The following NDUFA12 variants were observed in gnomAD, a reference collection of about 807,000 sequenced individuals.
NDUFA12 encodes NADH dehydrogenase [ubiquinone] 1 alpha subcomplex subunit 12.
Under a neutral mutation model 20.3 loss-of-function variants are expected in NDUFA12, and 17 were observed. That is an observed-to-expected ratio of 0.84 (90% CI 0.57 to 1.26). NDUFA12 has a LOEUF of 1.26. Ranked by LOEUF, NDUFA12 falls within the 50% of genes most tolerant of loss-of-function variation. The pLI is 0.00. For missense variants in NDUFA12, 191 were observed against 183.7 expected, an observed-to-expected ratio of 1.04 and a Z score of -0.23; for synonymous variants, 72 against 63.6, an observed-to-expected ratio of 1.13 and a Z score of -0.63.
At chr12:94,984,595 C>T (rs187494784) in intron 3 of NDUFA12, among the ~76,000 whole-genome samples, 94 of 151,780 alleles carry the variant, frequency 6.2e-4, no homozygotes, top group African/African-American at 2.2e-3. Flanking sequence ...AAATGGCTGT[C>T]TCCAAGGCTG....
intron 3 of NDUFA12, among the ~76,000 whole-genome samples, chr12:94,988,889 G>C (rs1049279097): frequency 1.3e-5 from 2 of 152,124 alleles, no homozygotes; most frequent in African/African-American, 4.8e-5. Flanking sequence ...CTCAGGGTTC[G>C]AGCCGATACA....
Position 95,003,616 on chromosome 12 carries a change from C to T in NDUFA12, c.65G>A (p.Gly22Asp), listed in dbSNP as rs1875147086. 1 of 1,614,098 alleles carries T rather than the reference C, an allele frequency of 6.2e-7. No individual in the cohort carries two copies. The highest frequency in any genetic ancestry group is 8.5e-7 in the Non-Finnish European group (1 of 1,180,048). The change falls in exon 1 of 4, where the codon GGC becomes GAC. Residue 22 changes from glycine (G) to aspartate (D), a missense_variant. By Grantham distance (94) the Gly-to-Asp change is moderately conservative. Coordinates refer to ENST00000327772, the MANE Select transcript of NDUFA12 (RefSeq NM_018838.5). ...QQITGHGGLR[G>D]YLRVFFRTND... The stretch of plus-strand genomic sequence containing the variant: ...CTACCTGAAAAAAACCCGTAGATAG[C>T]CTCGGAGACCGCCGTGGCCGGTGAT...
chr12:95,003,112 C>T (rs1296608611), intron 1 of NDUFA12, among the ~76,000 whole-genome samples: 1 of 152,186 alleles, frequency 6.6e-6, no homozygotes, highest in African/African-American at 2.4e-5. Context: ...CAAAGTATTT[C>T]ATCTTCTTAC....
rs1259726724 is a variant in NDUFA12, at chr12:95,000,798, A to AT, written c.169+1940dup. On this transcript the variant is annotated intron_variant, in intron 2 of 3. Coordinates refer to ENST00000327772, the MANE Select transcript of NDUFA12 (RefSeq NM_018838.5). ...TACCAAACATTGTTCTGCTACTGGA[A>AT]TTTTTTTATATTACACACATCTTTG... Among the ~76,000 whole-genome samples the AT allele has an allele frequency of 5.9e-5, 9 of 152,290 alleles. No individual in the cohort carries two copies. The East Asian group carries it at 1.7e-3, about 29-fold the overall frequency.
At chr12:94,997,074 T>G (rs1409880781) in intron 2 of NDUFA12, 1 of 269,708 alleles carries the variant, frequency 3.7e-6, no homozygotes, top group Non-Finnish European at 7.3e-6. Context: ...GGTGTGACAG[T>G]ATGTGCCTGT....
intron 3 of NDUFA12, among the ~76,000 whole-genome samples, chr12:94,980,424 C>G (rs938371610): frequency 6.6e-6 from 1 of 152,114 alleles, no homozygotes; most frequent in African/African-American, 2.4e-5. Flanking sequence ...ACCTGCCACC[C>G]TGTTTCTCTA....
intron 3 of NDUFA12, 128 bp from the exon 4 acceptor site, chr12:94,971,748 C>T: frequency 3.0e-6 from 3 of 995,002 alleles, no homozygotes; most frequent in Non-Finnish European, 1.6e-6. Context: ...CAGTTACTAG[C>T]TGAATTCTTC....
intron 3 of NDUFA12, among the ~76,000 whole-genome samples, chr12:94,989,581 A>C (rs566404722): frequency 7.2e-5 from 11 of 152,200 alleles, no homozygotes; most frequent in Non-Finnish European, 1.6e-4. Flanking sequence ...CAAGCCGTGA[A>C]GCTTCCCATA....
intron 3 of NDUFA12, among the ~76,000 whole-genome samples, chr12:94,985,341 T>C (rs1445309752): frequency 2.0e-5 from 3 of 150,934 alleles, no homozygotes; most frequent in African/African-American, 7.3e-5. Flanking sequence ...AAGTGGTTGG[T>C]AGGCCGGGCG....
chr12:94,980,240 C>G (rs112315446), intron 3 of NDUFA12, among the ~76,000 whole-genome samples: 18 of 152,256 alleles, frequency 1.2e-4, no homozygotes, highest in African/African-American at 3.9e-4. Context: ...GTATCACACA[C>G]TTACTATGTC....
chr12:94,998,008 CA>C (rs1313257754), intron 2 of NDUFA12, among the ~76,000 whole-genome samples: 1 of 152,074 alleles, frequency 6.6e-6, no homozygotes, highest in East Asian at 1.9e-4. Flanking sequence ...CCCCTCACAA[CA>C]AAGAATTAGC....
intron 3 of NDUFA12, among the ~76,000 whole-genome samples, chr12:94,986,202 C>A (rs1323824467): frequency 6.6e-6 from 1 of 151,846 alleles, no homozygotes. Flanking sequence ...TAATGTGCCA[C>A]TGAACTCCAG....
chr12:94,980,523 A>C (rs1304806562), intron 3 of NDUFA12, among the ~76,000 whole-genome samples: 1 of 152,186 alleles, frequency 6.6e-6, no homozygotes, highest in East Asian at 1.9e-4. Context: ...TTTCAAGGGC[A>C]AAACCATTTA....
At chr12:94,976,210 C>T (rs1023380779) in intron 3 of NDUFA12, among the ~76,000 whole-genome samples, 3 of 152,086 alleles carry the variant, frequency 2.0e-5, no homozygotes, top group South Asian at 2.1e-4. Context: ...TATAACAACT[C>T]GTGATAAATA....
intron 2 of NDUFA12, chr12:94,996,988 T>C (rs1436441305): frequency 2.5e-6 from 1 of 392,834 alleles, no homozygotes; most frequent in Admixed American, 3.4e-5. Flanking sequence ...TATAAAACAA[T>C]AGTTTTTAGA....
chr12:95,000,871 A>G lies in NDUFA12; in HGVS notation c.169+1868T>C, dbSNP rs554113033. Among the ~76,000 whole-genome samples the G allele has an allele frequency of 2.6e-4, 40 of 152,362 alleles. 2 individuals are homozygous for G. The South Asian group carries it at 8.1e-3, about 31-fold the overall frequency. Reference sequence around the variant, plus strand: ...TAGGTTTATATCATTCTTAACAACAACGTATTCCAAAACACGTATACATAT... The same window carrying G: ...TAGGTTTATATCATTCTTAACAACAGCGTATTCCAAAACACGTATACATAT... On this transcript the variant is annotated intron_variant, in intron 2 of 3. Transcript: ENST00000327772.
chr12:94,978,928 T>C (rs1173949960), intron 3 of NDUFA12, among the ~76,000 whole-genome samples: 1 of 152,056 alleles, frequency 6.6e-6, no homozygotes, highest in East Asian at 1.9e-4. Context: ...ACAGGAAAAA[T>C]GTCTGTGACA....
chr12:94,990,427 G>A (rs11107845), intron 3 of NDUFA12, among the ~76,000 whole-genome samples: 12,181 of 152,046 alleles, frequency 0.08, 560 homozygotes, highest in East Asian at 0.16. Context: ...GAACCAAAGA[G>A]CTTTTTTTAT....
Position 95,003,636 on chromosome 12 carries a change from G to T in NDUFA12, c.45C>A (p.Thr15=), listed in dbSNP as rs1229715680. 2 of 1,614,036 alleles carry T rather than the reference G, an allele frequency of 1.2e-6. No individual in the cohort carries two copies. Among genetic ancestry groups the T allele is most frequent in the African/African-American group, 2.7e-5 (2 of 74,906 alleles). Residue 15 remains threonine (T), a synonymous_variant, in exon 1 of 4, where the codon ACC becomes ACA. Transcript: ENST00000327772. ...QVLKRGLQQI[T]GHGGLRGYLR... ...GATAGCCTCGGAGACCGCCGTGGCC[G>T]GTGATCTGCTGCAGCCCGCGTTTCA...
Sources: gnomAD v4.1 joint callset for allele counts (sites outside exome capture counted in the v4.1 genomes callset) on GRCh38, gnomAD v4.1.1 for gene constraint, MANE v1.5 for transcripts, NCBI Gene and HGNC (gene_info 2026-07-23, HGNC 2026-07-21) for gene names.